PMFBP1: variants seen among roughly 807,000 people sequenced by gnomAD.
The protein encoded by PMFBP1 is polyamine-modulated factor 1-binding protein 1.
PMFBP1 carries 131 observed loss-of-function variants against 137.8 expected under a neutral mutation model. That is an observed-to-expected ratio of 0.95 (90% confidence interval 0.82 to 1.10). The LOEUF is 1.10. PMFBP1 is among the 50% of genes least tolerant of loss of function. The pLI, the probability that PMFBP1 is intolerant of heterozygous loss-of-function variation, is 0.00. For synonymous variants in PMFBP1, 490 were observed against 450.4 expected, an observed-to-expected ratio of 1.09 and a Z score of -1.11; for missense variants, 1,199 against 1,175.4, an observed-to-expected ratio of 1.02 and a Z score of -0.29.
chr16:72,196,877 A>G, the PMFBP1 span, among the ~76,000 whole-genome samples: 1 of 152,240 alleles, frequency 6.6e-6, no homozygotes, highest in Non-Finnish European at 1.5e-5. Flanking sequence ...TTTTTGAAAG[A>G]TAGCCCTAAT....
chr16:72,208,833 G>T, the PMFBP1 span, among the ~76,000 whole-genome samples: 1 of 152,198 alleles, frequency 6.6e-6, no homozygotes, highest in Admixed American at 6.5e-5. Context: ...CAAAGAACCC[G>T]CAGTTGTGTC....
intron 5 of PMFBP1, among the ~76,000 whole-genome samples, chr16:72,141,730 A>G (rs1204677909): frequency 6.6e-6 from 1 of 152,092 alleles, no homozygotes; most frequent in Non-Finnish European, 1.5e-5. Context: ...CAAAGCTGAA[A>G]TGAATACTTT....
At position 72,145,027 on chromosome 16, in the gene PMFBP1, G is replaced by A. The variant is rs543970710; in HGVS notation, c.637-4445C>T. On this transcript the variant is annotated intron_variant, in intron 5 of 20. Coordinates refer to ENST00000237353, the MANE Select transcript of PMFBP1 (RefSeq NM_031293.3). ...ACTTGAACTCAGCTCTGCACCAAGC[G>A]GACCTAATAGACATCTACAGAACTC... Among the ~76,000 whole-genome samples, 13 of 152,104 alleles carry A rather than the reference G, an allele frequency of 8.5e-5. No homozygotes were observed. The South Asian group carries it at 1.0e-3, about 12-fold the overall frequency.
rs143083150 is a variant in PMFBP1 at position 72,130,637 on chromosome 16, G to A, written c.1533C>T (p.Leu511=). The A allele has an allele frequency of 2.5e-6, 4 of 1,613,798 alleles. No homozygotes were observed. Among genetic ancestry groups the A allele is most frequent in the Non-Finnish European group, 3.4e-6 (4 of 1,179,990 alleles). The change falls in exon 11 of 21, where the codon CTC becomes CTT. Residue 511 remains leucine (L), a synonymous_variant. Coordinates refer to ENST00000237353, the MANE Select transcript of PMFBP1 (RefSeq NM_031293.3). Reference sequence around the variant, plus strand: ...TGTCTGCCTTCTGCTTGTCCAGGAGGAGACCCTTCTGCAGTTTCCTCTGGG... The same window carrying A: ...TGTCTGCCTTCTGCTTGTCCAGGAGAAGACCCTTCTGCAGTTTCCTCTGGG... ...EDTQRKLQKG[L]LLDKQKADTI...
At position 72,130,254 on chromosome 16, in the gene PMFBP1, C is replaced by A. The variant is rs1436653279; in HGVS notation, c.1741G>T (p.Asp581Tyr). Residue 581 changes from aspartate to tyrosine, a missense_variant, in exon 12 of 21, where the codon GAT (aspartate) becomes TAT (tyrosine). Physicochemically the swap from Asp to Tyr is radical, Grantham distance 160. Coordinates refer to ENST00000237353, the MANE Select transcript of PMFBP1 (RefSeq NM_031293.3). ...RQLQKTVAEQ[D>Y]MKMNDMLDRI... Reference sequence around the variant, plus strand: ...TCAAGCATGTCATTCATTTTCATATCCTGCTCAGCCACTGTCTTCTGAAGC... The same window carrying A: ...TCAAGCATGTCATTCATTTTCATATACTGCTCAGCCACTGTCTTCTGAAGC... 1 of 1,614,122 alleles carries A rather than the reference C, an allele frequency of 6.2e-7. No individual in the cohort carries two copies. The highest frequency in any genetic ancestry group is 2.2e-5 in the East Asian group (1 of 44,880).
At chr16:72,129,289 G>C (rs1298766918) in intron 12 of PMFBP1, 56 bp from the exon 13 acceptor site, 2 of 1,554,366 alleles carry the variant, frequency 1.3e-6, no homozygotes, top group Non-Finnish European at 8.7e-7. Context: ...ATATTTGGGG[G>C]AAAAATACAG....
the PMFBP1 span, among the ~76,000 whole-genome samples, chr16:72,188,890 G>A: frequency 6.6e-6 from 1 of 152,090 alleles, no homozygotes; most frequent in African/African-American, 2.4e-5. Flanking sequence ...CATTTGCAGA[G>A]ACCTGCCTTG....
the PMFBP1 span, among the ~76,000 whole-genome samples, chr16:72,201,727 T>C: frequency 6.6e-6 from 1 of 152,242 alleles, no homozygotes; most frequent in African/African-American, 2.4e-5. Flanking sequence ...GGGCTAATAT[T>C]GATTAATTAC....
At chr16:72,148,782 G>C (rs1006913674) in intron 5 of PMFBP1, among the ~76,000 whole-genome samples, 1 of 152,190 alleles carries the variant, frequency 6.6e-6, no homozygotes, top group South Asian at 2.1e-4. Flanking sequence ...CATAAGTGTG[G>C]TGGAGACTGT....
chr16:72,154,133 C>A, intron 4 of PMFBP1, 78 bp downstream of exon 4: 1 of 1,549,446 alleles, frequency 6.5e-7, no homozygotes, highest in Non-Finnish European at 8.7e-7. Flanking sequence ...AGTCCAGCGT[C>A]TGCTTTCTAG....
chr16:72,182,632 AC>A, the PMFBP1 span, among the ~76,000 whole-genome samples: 1 of 152,188 alleles, frequency 6.6e-6, no homozygotes, highest in Non-Finnish European at 1.5e-5. Context: ...AGTGCTGAGA[AC>A]CCAGTATGCA....
Position 72,132,767 on chromosome 16 carries a change from C to G in PMFBP1, c.1428G>C (p.Lys476Asn). 2 of 1,614,216 alleles carry G rather than the reference C, an allele frequency of 1.2e-6. No individual in the cohort carries two copies. The highest frequency in any genetic ancestry group is 1.7e-6 in the Non-Finnish European group (2 of 1,180,040). The change falls in exon 10 of 21, where the codon AAG (lysine) becomes AAC (asparagine). Residue 476 changes from lysine (K) to asparagine (N), a missense_variant. Transcript: ENST00000237353. ...CCTCACCAGCCAGCCTCTCCTGCTG[C>G]TTGGCCTCTTCGAGACTGTTCTTCA... ...QKLKNSLEEA[K>N]QQERLAAQQA... is the part of the protein sequence containing the mutation.
At chr16:72,246,493 G>A in the PMFBP1 span, among the ~76,000 whole-genome samples, 2 of 152,034 alleles carry the variant, frequency 1.3e-5, no homozygotes, top group South Asian at 4.2e-4. Context: ...TTTCAGTCAC[G>A]TATTTCGTGC....
chr16:72,147,009 A>G (rs1597477246), intron 5 of PMFBP1, among the ~76,000 whole-genome samples: 3 of 152,366 alleles, frequency 2.0e-5, no homozygotes, highest in Admixed American at 6.5e-5. Flanking sequence ...TCTTCACAGA[A>G]TTGGAAAAAA....
chr16:72,147,366 A>G (rs1442562823), intron 5 of PMFBP1, among the ~76,000 whole-genome samples: 1 of 152,222 alleles, frequency 6.6e-6, no homozygotes, highest in Admixed American at 6.5e-5. Context: ...CTTATACAAA[A>G]ATTAACTCAA....
At chr16:72,243,858 C>G in the PMFBP1 span, among the ~76,000 whole-genome samples, 2 of 152,282 alleles carry the variant, frequency 1.3e-5, no homozygotes, top group South Asian at 2.1e-4. Context: ...CACCAGCACT[C>G]GTAACACAGG....
At chr16:72,202,550 A>C in the PMFBP1 span, among the ~76,000 whole-genome samples, 3 of 152,122 alleles carry the variant, frequency 2.0e-5, no homozygotes, top group Non-Finnish European at 4.4e-5. Flanking sequence ...CACTGGTTAG[A>C]CTAGTTTGCC....
At chr16:72,169,414 T>C (rs2144524305) in intron 2 of PMFBP1, among the ~76,000 whole-genome samples, 1 of 152,330 alleles carries the variant, frequency 6.6e-6, no homozygotes, top group African/African-American at 2.4e-5. Context: ...TTTCCATTTA[T>C]AGAAATATTA....
chr16:72,149,223 T>A (rs935420680), intron 5 of PMFBP1, among the ~76,000 whole-genome samples: 1 of 152,182 alleles, frequency 6.6e-6, no homozygotes, highest in Admixed American at 6.5e-5. Context: ...TCCCTACCCA[T>A]CAGTGTTTAG....
Sources: allele counts gnomAD v4.1 joint callset (sites outside exome capture counted in the v4.1 genomes callset), GRCh38; gene constraint gnomAD v4.1.1; transcripts MANE v1.5; gene names NCBI Gene and HGNC (gene_info 2026-07-23, HGNC 2026-07-21).